ATXN1: variants seen among roughly 807,000 people sequenced by gnomAD.
ATXN1 encodes the protein ataxin 1.
In ATXN1, 8 loss-of-function variants were observed where a neutral mutation model predicts 56.4. That is an observed-to-expected ratio of 0.14 (90% CI 0.08 to 0.26). The LOEUF (loss-of-function observed/expected upper bound fraction) is 0.26, where lower values mean the gene tolerates loss of function less well. Ranked by LOEUF, ATXN1 falls within the 10% of genes least tolerant of loss-of-function variation. ATXN1 has a pLI of 1.00. For synonymous variants in ATXN1, 514 were observed against 494.6 expected (o/e 1.04, Z -0.52); for missense variants, 987 against 1,106.5 (o/e 0.89, Z 1.53).
intron 6 of ATXN1, among the ~76,000 whole-genome samples, chr6:16,406,185 A>T (rs1561883975): frequency 6.6e-6 from 1 of 152,174 alleles, no homozygotes; most frequent in Non-Finnish European, 1.5e-5. Context: ...TTAAGTTAAA[A>T]TGAGAGACTA....
At chr6:16,371,648 G>C (rs1762045319) in intron 6 of ATXN1, among the ~76,000 whole-genome samples, 1 of 152,110 alleles carries the variant, frequency 6.6e-6, no homozygotes, top group East Asian at 1.9e-4. Context: ...CAAACTGCTG[G>C]CTCAAGTGAT....
At chr6:16,613,785 C>T (rs1763157382) in intron 3 of ATXN1, among the ~76,000 whole-genome samples, 1 of 152,018 alleles carries the variant, frequency 6.6e-6, no homozygotes, top group African/African-American at 2.4e-5. Flanking sequence ...GCTATGACTG[C>T]ACCACTGCAC....
chr6:16,564,680 T>C (rs1022660052), intron 4 of ATXN1, among the ~76,000 whole-genome samples: 6 of 152,248 alleles, frequency 3.9e-5, no homozygotes, highest in African/African-American at 1.2e-4. Flanking sequence ...GAGAAACAGC[T>C]TCGTGGTTGC....
chr6:16,399,450 G>A (rs1254894306), intron 6 of ATXN1, among the ~76,000 whole-genome samples: 4 of 152,326 alleles, frequency 2.6e-5, no homozygotes, highest in South Asian at 4.1e-4. Context: ...TAATCAGGCC[G>A]TCAAATAAAG....
intron 6 of ATXN1, among the ~76,000 whole-genome samples, chr6:16,382,841 A>C (rs550864682): frequency 1.3e-5 from 2 of 151,366 alleles, no homozygotes; most frequent in Non-Finnish European, 2.9e-5. Context: ...AAAAAAAATA[A>C]ATAAACTTGC....
chr6:16,448,925 CTGT>C (rs947393027), intron 6 of ATXN1, among the ~76,000 whole-genome samples: 7 of 152,208 alleles, frequency 4.6e-5, no homozygotes, highest in Non-Finnish European at 7.3e-5. Context: ...TTATTTGTTG[CTGT>C]TGTTGTGAGG....
At chr6:16,443,679 A>G (rs372642061) in intron 6 of ATXN1, among the ~76,000 whole-genome samples, 13 of 152,240 alleles carry the variant, frequency 8.5e-5, no homozygotes, top group South Asian at 4.1e-4. Flanking sequence ...TGTGGGAGAA[A>G]GTAAATGAGT....
At chr6:16,396,395 C>T (rs138983477) in intron 6 of ATXN1, among the ~76,000 whole-genome samples, 62 of 152,002 alleles carry the variant, frequency 4.1e-4, no homozygotes, top group African/African-American at 1.5e-3. Flanking sequence ...GCCTGGGCAA[C>T]ATAGTGAGAC....
intron 6 of ATXN1, among the ~76,000 whole-genome samples, chr6:16,402,659 A>G (rs1186895815): frequency 6.6e-6 from 1 of 152,202 alleles, no homozygotes; most frequent in Non-Finnish European, 1.5e-5. Flanking sequence ...AGGATCATTT[A>G]CATGGGCCCA....
At chr6:16,408,129 G>A (rs1434600275) in intron 6 of ATXN1, among the ~76,000 whole-genome samples, 1 of 152,166 alleles carries the variant, frequency 6.6e-6, no homozygotes, top group Non-Finnish European at 1.5e-5. Context: ...TAAAGAACCT[G>A]AGGCCACCAT....
intron 6 of ATXN1, among the ~76,000 whole-genome samples, chr6:16,364,538 C>T (rs373851614): frequency 9.9e-5 from 15 of 152,144 alleles, no homozygotes; most frequent in Non-Finnish European, 1.0e-4. Context: ...CTCCTGACCT[C>T]GTGATCTGCC....
chr6:16,397,064 C>T (rs1441965087), intron 6 of ATXN1, among the ~76,000 whole-genome samples: 2 of 152,170 alleles, frequency 1.3e-5, no homozygotes, highest in Non-Finnish European at 2.9e-5. Flanking sequence ...AGAATGCATT[C>T]CCATTATTAA....
At chr6:16,590,072 A>G (rs9477180) in intron 3 of ATXN1, among the ~76,000 whole-genome samples, 12,998 of 152,204 alleles carry the variant, frequency 0.085, 1,819 homozygotes, top group African/African-American at 0.29. Flanking sequence ...TACTTACTGT[A>G]AGCTATTTCT....
chr6:16,591,101 G>A (rs1035335338), intron 3 of ATXN1, among the ~76,000 whole-genome samples: 1 of 151,468 alleles, frequency 6.6e-6, no homozygotes, highest in South Asian at 2.1e-4. Context: ...GATTACAGGC[G>A]TGAGCCACTG....
chr6:16,614,280 G>C (rs1055425913), intron 3 of ATXN1, among the ~76,000 whole-genome samples: 10 of 151,414 alleles, frequency 6.6e-5, no homozygotes, highest in African/African-American at 2.4e-4. Flanking sequence ...ATCCCCGCTT[G>C]ATGGTACATG....
chr6:16,351,908 G>A (rs764414233), intron 6 of ATXN1, among the ~76,000 whole-genome samples: 5 of 152,206 alleles, frequency 3.3e-5, no homozygotes, highest in African/African-American at 4.8e-5. Flanking sequence ...AATGGGAAGT[G>A]AGGTCTCTCT....
rs545792650 is a variant in ATXN1 at position 16,299,180 on chromosome 6, AATTT to A, written c.*7145_*7148del. ...AATAAACTTGTACTGGTATACAGAC[AATTT>A]ATTTAAAACAATTTTGTTCAAATTT... On this transcript the variant is annotated 3_prime_UTR_variant, in exon 8 of 8. Transcript: ENST00000436367. 5.9e-5 allele frequency: 9 copies of A among 152,618 alleles called. No individual in the cohort carries two copies. The highest frequency in any genetic ancestry group is 7.3e-5 in the Non-Finnish European group (5 of 68,040). The allele number at this position is 152,618 out of a possible 1,614,324, so 9.5% of individuals were successfully genotyped here.
At chr6:16,604,431 C>G (rs750999165) in intron 3 of ATXN1, among the ~76,000 whole-genome samples, 3 of 151,554 alleles carry the variant, frequency 2.0e-5, no homozygotes, top group Non-Finnish European at 4.4e-5. Flanking sequence ...CCCAGGAGTT[C>G]GAGGCTGCAA....
intron 6 of ATXN1, among the ~76,000 whole-genome samples, chr6:16,447,519 C>A (rs777794928): frequency 6.6e-6 from 1 of 152,156 alleles, no homozygotes; most frequent in Non-Finnish European, 1.5e-5. Flanking sequence ...CCACCACACC[C>A]TGCCTATTTT....
Sources: allele counts gnomAD v4.1 joint callset (sites outside exome capture counted in the v4.1 genomes callset), GRCh38; gene constraint gnomAD v4.1.1; transcripts MANE v1.5; gene names NCBI Gene and HGNC (gene_info 2026-07-23, HGNC 2026-07-21).